Variants in ZNF236 observed in about 807,000 individuals in gnomAD.
The protein encoded by ZNF236 is regulated by glucose.
ZNF236 carries 50 observed loss-of-function variants against 191.2 expected under a neutral mutation model. The ratio of observed to expected loss-of-function variants is 0.26; its 90% CI spans 0.21 to 0.33. The LOEUF (loss-of-function observed/expected upper bound fraction) is 0.33. ZNF236 is among the 10% of genes least tolerant of loss of function. The pLI is 1.00. For missense variants in ZNF236, 1,754 were observed against 2,374.5 expected (o/e 0.74, Z 5.43); for synonymous variants, 907 against 928.8 (o/e 0.98, Z 0.43).
intron 25 of ZNF236, among the ~76,000 whole-genome samples, chr18:76,930,803 C>A (rs566952808): frequency 6.6e-6 from 1 of 152,264 alleles, no homozygotes; most frequent in South Asian, 2.1e-4. Context: ...AGTTTCATTC[C>A]ACACAGTGTG....
At chr18:76,898,902 G>A in intron 10 of ZNF236, 117 bp from the exon 11 acceptor site, 1 of 838,392 alleles carries the variant, frequency 1.2e-6, no homozygotes, top group South Asian at 1.8e-5. Flanking sequence ...TTATAAGCAT[G>A]GCCTAATAAA....
chr18:76,910,830 G>A lies in ZNF236; in HGVS notation c.2805+19G>A. On this transcript the variant is annotated intron_variant, in intron 16 of 30. Coordinates refer to ENST00000320610, the MANE Select transcript of ZNF236 (RefSeq NM_001306089.2). Reference sequence around the variant, plus strand: ...GAATGTAGTGAGTATGGACAGAGGGGTGCATACATGGCAGTATTTAGCAGG... The same window carrying A: ...GAATGTAGTGAGTATGGACAGAGGGATGCATACATGGCAGTATTTAGCAGG... 1 of 1,613,034 alleles carries A rather than the reference G, an allele frequency of 6.2e-7. No homozygotes were observed. The highest frequency in any genetic ancestry group is 8.5e-7 in the Non-Finnish European group (1 of 1,179,520).
intron 25 of ZNF236, among the ~76,000 whole-genome samples, chr18:76,934,705 C>T (rs1009371860): frequency 2.0e-5 from 3 of 152,332 alleles, no homozygotes; most frequent in Non-Finnish European, 1.5e-5. Flanking sequence ...CTCATCCTCA[C>T]GAGTTGTCCC....
chr18:76,935,989 C>G (rs192453557), intron 25 of ZNF236: 12 of 457,004 alleles, frequency 2.6e-5, no homozygotes, highest in Admixed American at 2.3e-4. Flanking sequence ...GGTTCCAGGT[C>G]TGTGCAGCAC....
At chr18:76,892,520 A>G (rs1005582972) in intron 9 of ZNF236, among the ~76,000 whole-genome samples, 1 of 151,862 alleles carries the variant, frequency 6.6e-6, no homozygotes, top group South Asian at 2.1e-4. Context: ...ATGTCTTTTC[A>G]TGTTGAAGAT....
chr18:76,935,609 T>A (rs1194673174), intron 25 of ZNF236, among the ~76,000 whole-genome samples: 2 of 152,230 alleles, frequency 1.3e-5, no homozygotes, highest in Non-Finnish European at 2.9e-5. Context: ...CTGGGCGAGA[T>A]TCACAGGCAC....
At chr18:76,947,921 G>A (rs1005983473) in intron 27 of ZNF236, among the ~76,000 whole-genome samples, 4 of 152,054 alleles carry the variant, frequency 2.6e-5, no homozygotes, top group Non-Finnish European at 4.4e-5. Flanking sequence ...ACAGTGATAC[G>A]TAAATCTAAT....
At chr18:76,858,787 A>G (rs1430399119) in intron 3 of ZNF236, among the ~76,000 whole-genome samples, 7 of 2,902 alleles carry the variant, frequency 2.4e-3, no homozygotes, top group African/African-American at 5.1e-3. Flanking sequence ...GGTGGAGGAG[A>G]AAGGGGGAGA....
At chr18:76,914,001 T>C in intron 18 of ZNF236, 103 bp downstream of exon 18, 1 of 1,295,414 alleles carries the variant, frequency 7.7e-7, no homozygotes, top group Non-Finnish European at 1.1e-6. Flanking sequence ...AGTGTACAAT[T>C]CAGTGATTTT....
intron 25 of ZNF236, chr18:76,931,254 A>G (rs1967837757): frequency 6.6e-6 from 1 of 152,204 alleles, no homozygotes; most frequent in South Asian, 2.1e-4. Flanking sequence ...GTTAGCCAAG[A>G]AAGACATTAT....
At chr18:76,864,162 C>T (rs1976329468) in intron 3 of ZNF236, among the ~76,000 whole-genome samples, 2 of 151,822 alleles carry the variant, frequency 1.3e-5, no homozygotes, top group Non-Finnish European at 2.9e-5. Context: ...TTGTCAGCCT[C>T]CATAATCATG....
rs1568221829 is a variant in ZNF236, at chr18:76,904,361, CTT to C, written c.1895-16_1895-15del. 1 of 1,583,462 alleles carries C rather than the reference CTT, an allele frequency of 6.3e-7. No individual in the cohort carries two copies. Among genetic ancestry groups the C allele is most frequent in the Non-Finnish European group, 8.6e-7 (1 of 1,167,258 alleles). Reference sequence around the variant, plus strand: ...TAGCATTGACAGTGAATTACATCTGCTTTTCTTTTGCTTTGTAGGTCTCATCC... The same window carrying C: ...TAGCATTGACAGTGAATTACATCTGCTTCTTTTGCTTTGTAGGTCTCATCC... On this transcript the variant is annotated splice_polypyrimidine_tract_variant and intron_variant, in intron 11 of 30. Coordinates refer to ENST00000320610, the MANE Select transcript of ZNF236 (RefSeq NM_001306089.2).
chr18:76,933,545 T>C (rs977043052), intron 25 of ZNF236, among the ~76,000 whole-genome samples: 6 of 151,890 alleles, frequency 4.0e-5, no homozygotes, highest in African/African-American at 1.5e-4. Context: ...TACTTTAGCT[T>C]ATATCCCACT....
In ZNF236 at chr18:76,889,760, G is replaced by A. The variant is rs112531579; in HGVS notation, c.1418-5253G>A. 1.6e-3 allele frequency among the ~76,000 whole-genome samples: 241 copies of A among 152,280 alleles called. 3 individuals are homozygous for A. Among genetic ancestry groups the A allele is most frequent in the African/African-American group, 5.2e-3 (217 of 41,566 alleles). On this transcript the variant is annotated intron_variant, in intron 9 of 30. Transcript: ENST00000320610. ...TGCCACACAATTCAAAAGACACAGT[G>A]GTGTCCACAGAACTTCTGTGAGGGG...
chr18:76,859,711 C>T lies in ZNF236; in HGVS notation c.363+7772C>T, dbSNP rs555384425. ...GTGTTATTGGTCAAGTGTGGAGCACCGCTGTTTCCCTTGAACATGTGACCT... is the reference window on the plus strand; with the variant it reads ...GTGTTATTGGTCAAGTGTGGAGCACTGCTGTTTCCCTTGAACATGTGACCT... On this transcript the variant is annotated intron_variant, in intron 3 of 30. Coordinates refer to ENST00000320610, the MANE Select transcript of ZNF236 (RefSeq NM_001306089.2). Among the ~76,000 whole-genome samples, 10 of 152,226 alleles carry T rather than the reference C, an allele frequency of 6.6e-5. No individual in the cohort carries two copies. In the South Asian group the frequency reaches 1.7e-3, roughly 25 times the overall value.
chr18:76,959,733 A>C lies in ZNF236; in HGVS notation c.5159A>C (p.Lys1720Thr). Residue 1720 changes from lysine (K) to threonine (T), a missense_variant, in exon 29 of 31, where the codon AAG becomes ACG. This residue lies in a region of ZNF236 where 606 missense variants were observed against 761.5 expected (regional missense o/e 0.80). Coordinates refer to ENST00000320610, the MANE Select transcript of ZNF236 (RefSeq NM_001306089.2). The part of the protein sequence containing the change: ...HQAGPSLSSQ[K>T]PRVFKCDTCE... The stretch of plus-strand genomic sequence containing the variant: ...GCCGGCCCCTCTTTGAGCTCCCAGA[A>C]GCCAAGAGTGTTTAAATGTGACACT... The C allele has an allele frequency of 6.2e-7, 1 of 1,614,028 alleles. No homozygotes were observed. Among genetic ancestry groups the C allele is most frequent in the Non-Finnish European group, 8.5e-7 (1 of 1,179,974 alleles).
chr18:76,961,289 G>A (rs1968661022), intron 30 of ZNF236, among the ~76,000 whole-genome samples: 1 of 151,846 alleles, frequency 6.6e-6, no homozygotes, highest in Non-Finnish European at 1.5e-5. Context: ...ACTTCACTTA[G>A]AATAATGGCC....
chr18:76,899,300 T>C (rs1052540498), intron 11 of ZNF236, 78 bp downstream of exon 11: 1 of 1,259,768 alleles, frequency 7.9e-7, no homozygotes, highest in Admixed American at 2.1e-5. Context: ...TGTACACACA[T>C]TATGGTCTCT....
rs1968300200 is a variant in ZNF236, at chr18:76,947,751, C to T, written c.4914+99C>T. On this transcript the variant is annotated intron_variant, in intron 27 of 30. Coordinates refer to ENST00000320610, the MANE Select transcript of ZNF236 (RefSeq NM_001306089.2). ...GAGGGTTATGGGCGTGCTGTGTGAC[C>T]CAGGTGGCTGGGGCTGACTTCTGAG... 4 of 1,438,136 alleles carry T rather than the reference C, an allele frequency of 2.8e-6. No homozygotes were observed. The South Asian group carries it at 5.5e-5, about 20-fold the overall frequency. 89.1% of individuals were successfully genotyped at this position (1,438,136 alleles called of 1,614,324 possible).
Sources: gnomAD v4.1 joint callset for allele counts (sites outside exome capture counted in the v4.1 genomes callset) on GRCh38, gnomAD v4.1.1 for gene constraint, gnomAD v4.1.1 regional missense constraint, MANE v1.5 for transcripts, NCBI Gene and HGNC (gene_info 2026-07-23, HGNC 2026-07-21) for gene names.